UPF1: variants seen among roughly 807,000 people sequenced by gnomAD.
The protein encoded by UPF1 is regulator of nonsense transcripts 1.
UPF1 carries 9 observed loss-of-function variants against 129.2 expected under a neutral mutation model. That is an observed-to-expected ratio of 0.07 (90% CI 0.04 to 0.12). The LOEUF is 0.12. UPF1 is among the 10% of genes least tolerant of loss of function. The pLI, the probability that UPF1 is intolerant of heterozygous loss-of-function variation, is 1.00. For missense variants in UPF1, 788 were observed against 1,525.3 expected, an observed-to-expected ratio of 0.52 and a Z score of 8.05; for synonymous variants, 649 against 644.9, an observed-to-expected ratio of 1.01 and a Z score of -0.10.
chr19:18,864,736 T>TTG (rs1225456493), intron 20 of UPF1, among the ~76,000 whole-genome samples: 59 of 136,150 alleles, frequency 4.3e-4, no homozygotes, highest in African/African-American at 6.7e-4. Context: ...TGCAGGTGTT[T>TTG]TTTTTTTTTT....
Position 18,855,468 on chromosome 19 carries a change from CA to C in UPF1, c.1544+227del, listed in dbSNP as rs555463050. 1,296 of 606,906 alleles carry C rather than the reference CA, an allele frequency of 2.1e-3. 3 individuals carry two copies. Among genetic ancestry groups the C allele is most frequent in the Non-Finnish European group, 3.0e-3 (1,030 of 348,096 alleles). The allele number at this position is 606,906 out of a possible 1,614,324, so 37.6% of individuals were successfully genotyped here. A position where few individuals can be genotyped will look rare whatever the true frequency, so the allele number is the denominator to read the frequency against. On this transcript the variant is annotated intron_variant, in intron 11 of 23. Transcript: ENST00000262803. ...TGCTACTGGTTTAGAAAACTGGGGG[CA>C]GGGGGGGCATGGCTGCAGCAGCGTG...
In UPF1 at chr19:18,854,627, C is replaced by T. The variant is rs371536077; in HGVS notation, c.1183C>T (p.Leu395=). Residue 395 remains leucine (L), a synonymous_variant, in exon 9 of 24, where the codon CTG becomes TTG. Coordinates refer to ENST00000262803, the MANE Select transcript of UPF1 (RefSeq NM_002911.4). ...DNYGDEIAIE[L]RSSVGAPVEV... ...TTATGGCGATGAGATCGCCATTGAG[C>T]TGCGGAGCAGCGTGGGTGCACCTGT... is the stretch of plus-strand genomic sequence containing the variant. The T allele has an allele frequency of 6.2e-7, 1 of 1,613,856 alleles. No homozygotes were observed. The highest frequency in any genetic ancestry group is 8.5e-7 in the Non-Finnish European group (1 of 1,179,822).
chr19:18,848,728 T>C (rs1012853523), intron 3 of UPF1, among the ~76,000 whole-genome samples: 4 of 152,038 alleles, frequency 2.6e-5, no homozygotes, highest in Admixed American at 6.6e-5. Context: ...ACTTGAAATA[T>C]GGTGTTATGA....
chr19:18,862,179 C>T (rs1254507667), intron 18 of UPF1, 27 bp downstream of exon 18: 13 of 1,608,582 alleles, frequency 8.1e-6, no homozygotes, highest in African/African-American at 1.3e-5. Context: ...CTGCATGCTG[C>T]CCAGCCGCTC....
chr19:18,835,525 T>G (rs2055474511), intron 1 of UPF1, among the ~76,000 whole-genome samples: 1 of 152,174 alleles, frequency 6.6e-6, no homozygotes, highest in Non-Finnish European at 1.5e-5. Flanking sequence ...GTATTTTTAG[T>G]AGAGACGGGG....
chr19:18,853,432 T>A lies in UPF1; in HGVS notation c.1156+82T>A, dbSNP rs183677064. 7 of 1,332,382 alleles carry A rather than the reference T, an allele frequency of 5.3e-6. No homozygotes were observed. In the East Asian group the frequency reaches 1.7e-4, roughly 33 times the overall value. 82.5% of individuals were successfully genotyped at this position (1,332,382 alleles called of 1,614,324 possible). A position where few individuals can be genotyped will look rare whatever the true frequency, so the allele number is the denominator to read the frequency against. On this transcript the variant is annotated intron_variant, in intron 8 of 23. Coordinates refer to ENST00000262803, the MANE Select transcript of UPF1 (RefSeq NM_002911.4). The surrounding 1 kb of genome is among the most constrained non-coding windows in gnomAD (Gnocchi z 4.4). ...CAGGTGGAGGCCACTGTGGATTTGA[T>A]GCTCACTGCTGGGCCAGCATCTCAT...
intron 13 of UPF1, among the ~76,000 whole-genome samples, 163 bp from the exon 14 acceptor site, chr19:18,856,714 C>T (rs2055722335): frequency 6.6e-6 from 1 of 152,196 alleles, no homozygotes; most frequent in Admixed American, 6.5e-5. Flanking sequence ...TTTGTAATCA[C>T]CACAGCCTGG....
Position 18,865,632 on chromosome 19 carries a change from A to T in UPF1, c.3091A>T (p.Ser1031Cys). The change falls in exon 22 of 24, where the codon AGC becomes TGC. Residue 1031 changes from serine (S) to cysteine (C), a missense_variant. By Grantham distance (112) the Ser-to-Cys change is moderately radical. Coordinates refer to ENST00000262803, the MANE Select transcript of UPF1 (RefSeq NM_002911.4). The surrounding 1 kb of genome is among the most constrained non-coding windows in gnomAD (Gnocchi z 6.1). Reference protein sequence around the residue: ...QKNRFGLPGPSQTNLPNSQAS... With the variant: ...QKNRFGLPGPCQTNLPNSQAS... ...GAACCGCTTTGGGCTTCCTGGACCC[A>T]GCCAGACTAACCTCCCCAACAGCCA... 1 of 1,613,854 alleles carries T rather than the reference A, an allele frequency of 6.2e-7. No individual in the cohort carries two copies. The highest frequency in any genetic ancestry group is 8.5e-7 in the Non-Finnish European group (1 of 1,180,034).
Position 18,850,078 on chromosome 19 carries a change from C to T in UPF1, c.465C>T (p.His155=). 6.2e-7 allele frequency: 1 copy of T among 1,614,186 alleles called. No individual in the cohort carries two copies. The highest frequency in any genetic ancestry group is 8.5e-7 in the Non-Finnish European group (1 of 1,180,030). The change falls in exon 4 of 24, where the codon CAC becomes CAT. Residue 155 remains histidine, a synonymous_variant. Coordinates refer to ENST00000262803, the MANE Select transcript of UPF1 (RefSeq NM_002911.4). The surrounding 1 kb of genome is among the most constrained non-coding windows in gnomAD (Gnocchi z 7.1). ...GTTTATCATTTCCTGGTTTCAGCCA[C>T]ATTGTAAATCACCTTGTGAGGGCAA... ...CNGRGNTSGS[H]IVNHLVRAKC...
intron 1 of UPF1, among the ~76,000 whole-genome samples, chr19:18,840,338 C>T (rs913690905): frequency 6.6e-6 from 1 of 152,204 alleles, no homozygotes; most frequent in Non-Finnish European, 1.5e-5. Flanking sequence ...TAAAAAGCAG[C>T]TCCAGCTCCT....
intron 16 of UPF1, 137 bp downstream of exon 16, chr19:18,860,575 A>C: frequency 1.0e-6 from 1 of 971,188 alleles, no homozygotes; most frequent in Non-Finnish European, 1.6e-6. Flanking sequence ...TTAGACTCTA[A>C]ACCGTGTTGT....
Position 18,865,566 on chromosome 19 carries a change from G to A in UPF1, c.3025G>A (p.Gly1009Ser). The change falls in exon 22 of 24, where the codon GGC (glycine) becomes AGC (serine). Residue 1009 changes from glycine (G) to serine (S), a missense_variant. Gly to Ser is a moderately conservative substitution (Grantham distance 56). Transcript: ENST00000262803. The surrounding 1 kb of genome is among the most constrained non-coding windows in gnomAD (Gnocchi z 6.1). Reference sequence around the variant, plus strand: ...CCTGGACTGCTGTCTTTCAGGGCGAGGCACCCCGAAAGGCAAGACTGGTCG... The same window carrying A: ...CCTGGACTGCTGTCTTTCAGGGCGAAGCACCCCGAAAGGCAAGACTGGTCG... ...GQANGPAAGR[G>S]TPKGKTGRGG... 1.9e-6 allele frequency: 3 copies of A among 1,613,944 alleles called. No individual in the cohort carries two copies. Among genetic ancestry groups the A allele is most frequent in the Non-Finnish European group, 2.5e-6 (3 of 1,180,050 alleles).
In UPF1 at chr19:18,855,993, G is replaced by C. The variant is rs2055713148; in HGVS notation, c.1613G>C (p.Gly538Ala). Residue 538 changes from glycine to alanine, a missense_variant, in exon 12 of 24, where the codon GGG (glycine) becomes GCG (alanine). By Grantham distance (60) the Gly-to-Ala change is moderately conservative. Transcript: ENST00000262803. Reference protein sequence around the residue: ...DQLTEKIHQTGLKVVRLCAKS... With the variant: ...DQLTEKIHQTALKVVRLCAKS... Reference sequence around the variant, plus strand: ...CTAACGGAGAAGATCCACCAGACGGGGCTAAAGGTCGTGCGCCTCTGCGCC... The same window carrying C: ...CTAACGGAGAAGATCCACCAGACGGCGCTAAAGGTCGTGCGCCTCTGCGCC... 2 of 1,613,876 alleles carry C rather than the reference G, an allele frequency of 1.2e-6. No homozygotes were observed. Among genetic ancestry groups the C allele is most frequent in the Admixed American group, 1.7e-5 (1 of 60,010 alleles).
intron 15 of UPF1, among the ~76,000 whole-genome samples, chr19:18,858,400 C>A (rs553845956): frequency 6.6e-6 from 1 of 152,024 alleles, no homozygotes; most frequent in Admixed American, 6.6e-5. Context: ...ATGTTTCCAC[C>A]ATTGCCAGTG....
rs1468679228 is a variant in UPF1, at chr19:18,853,916, T to C, written c.1156+566T>C. Among the ~76,000 whole-genome samples the C allele has an allele frequency of 6.6e-6, 1 of 152,152 alleles. No homozygotes were observed. Among genetic ancestry groups the C allele is most frequent in the African/African-American group, 2.4e-5 (1 of 41,432 alleles). On this transcript the variant is annotated intron_variant, in intron 8 of 23. Coordinates refer to ENST00000262803, the MANE Select transcript of UPF1 (RefSeq NM_002911.4). This position sits in a 1 kb window ranked among gnomAD's most constrained non-coding sequence, Gnocchi z 4.4. Reference sequence around the variant, plus strand: ...CACCGCGGGTCAGACTCAGGCTGCCTCTTGGTGACTGGCCAATGCTGCTGG... The same window carrying C: ...CACCGCGGGTCAGACTCAGGCTGCCCCTTGGTGACTGGCCAATGCTGCTGG...
At chr19:18,852,703 C>T (rs1270151980) in intron 6 of UPF1, among the ~76,000 whole-genome samples, 25 of 148,424 alleles carry the variant, frequency 1.7e-4, no homozygotes, top group African/African-American at 5.0e-5. Context: ...CCCCTCCTCT[C>T]TCTCTTCCTC....
rs749986511 is a variant in UPF1 at position 18,832,287 on chromosome 19, C to T, written c.78C>T (p.Ala26=). 9 of 1,543,958 alleles carry T rather than the reference C, an allele frequency of 5.8e-6. No homozygotes were observed. The South Asian group carries it at 9.3e-5, about 16-fold the overall frequency. The change falls in exon 1 of 24, where the codon GCC becomes GCT. Residue 26 remains alanine (A), a synonymous_variant. Transcript: ENST00000262803. The surrounding 1 kb of genome is among the most constrained non-coding windows in gnomAD (Gnocchi z 5.6). ...CGGAGGAGGCCGAGCTGCTTGGCGC[C>T]GACACACAGGGCTCCGAGTTCGAGT... is the stretch of plus-strand genomic sequence containing the variant. The part of the protein sequence containing the change: ...LDTEEAELLG[A]DTQGSEFEFT...
chr19:18,859,688 G>C (rs1568281213), intron 15 of UPF1: 1 of 152,420 alleles, frequency 6.6e-6, no homozygotes, highest in African/African-American at 2.4e-5. Flanking sequence ...TCCCAGTAGA[G>C]TGAGGAGGGC....
At position 18,865,482 on chromosome 19, in the gene UPF1, C is replaced by A; in HGVS notation, c.3019+32C>A. 1 of 1,611,592 alleles carries A rather than the reference C, an allele frequency of 6.2e-7. No homozygotes were observed. On this transcript the variant is annotated intron_variant, in intron 21 of 23. Coordinates refer to ENST00000262803, the MANE Select transcript of UPF1 (RefSeq NM_002911.4). The surrounding 1 kb of genome is among the most constrained non-coding windows in gnomAD (Gnocchi z 6.1). Reference sequence around the variant, plus strand: ...ATCTGTGGCTGCGGCTGGGTGTGGCCCTCCTGAGAGCTCTTGAGGGTGTGC... The same window carrying A: ...ATCTGTGGCTGCGGCTGGGTGTGGCACTCCTGAGAGCTCTTGAGGGTGTGC...
Sources: gnomAD v4.1 joint callset for allele counts (sites outside exome capture counted in the v4.1 genomes callset) on GRCh38, gnomAD v4.1.1 for gene constraint, Gnocchi (gnomAD v3.1) non-coding constraint, MANE v1.5 for transcripts, NCBI Gene and HGNC (gene_info 2026-07-23, HGNC 2026-07-21) for gene names.